The following STX8 variants were observed in gnomAD, a reference collection of about 807,000 sequenced individuals.
The protein encoded by STX8 is syntaxin-8.
Under a neutral mutation model 37.5 loss-of-function variants are expected in STX8, and 23 were observed. The ratio of observed to expected loss-of-function variants is 0.61; its 90% confidence interval spans 0.44 to 0.87. The LOEUF (loss-of-function observed/expected upper bound fraction) is 0.87, where lower values mean the gene tolerates loss of function less well. STX8 is among the 40% of genes least tolerant of loss of function. The probability of loss-of-function intolerance (pLI) is 0.00; values close to 1 mark genes in which losing one functional copy is unlikely to be tolerated. For synonymous variants in STX8, 115 were observed against 99.1 expected (o/e 1.16, Z -0.95); for missense variants, 313 against 284.7 (o/e 1.10, Z -0.71).
At chr17:9,384,454 T>A (rs1911920155) in intron 6 of STX8, among the ~76,000 whole-genome samples, 1 of 152,054 alleles carries the variant, frequency 6.6e-6, no homozygotes. Flanking sequence ...CTGGCTAACA[T>A]GGTGAAACCC....
Position 9,250,523 on chromosome 17 carries a change from T to G in STX8, c.*55A>C. ...GCAGGTTTTGCGTACCAAAAGGGTG[T>G]TGGGCTTGCATCTGTCATTGGCAGG... is the stretch of plus-strand genomic sequence containing the variant. On this transcript the variant is annotated 3_prime_UTR_variant, in exon 8 of 8. Coordinates refer to ENST00000306357, the MANE Select transcript of STX8 (RefSeq NM_004853.3). The G allele has an allele frequency of 6.7e-7, 1 of 1,491,538 alleles. No individual in the cohort carries two copies. The highest frequency in any genetic ancestry group is 9.2e-7 in the Non-Finnish European group (1 of 1,089,322). 92.4% of individuals were successfully genotyped at this position (1,491,538 alleles called of 1,614,324 possible).
chr17:9,506,416 C>A lies in STX8; in HGVS notation c.324-1254G>T, dbSNP rs967196240. ...GCTGGTGCTCACCCGCTCCCCCCCC[C>A]CCCCACCCACCTTTCTTAGGAAAGG... On this transcript the variant is annotated intron_variant, in intron 4 of 7. Transcript: ENST00000306357. Among the ~76,000 whole-genome samples, 5 of 97,678 alleles carry A rather than the reference C, an allele frequency of 5.1e-5. 1 individual carries two copies. Among genetic ancestry groups the A allele is most frequent in the African/African-American group, 7.5e-5 (2 of 26,774 alleles). The allele number at this position is 97,678 out of a possible 152,430, so 64.1% of individuals were successfully genotyped here.
At chr17:9,535,845 A>G (rs1906027177) in intron 4 of STX8, among the ~76,000 whole-genome samples, 4 of 152,226 alleles carry the variant, frequency 2.6e-5, no homozygotes. Flanking sequence ...GCATATATAT[A>G]AGAGCCTAGT....
chr17:9,304,603 T>C (rs752968087), intron 7 of STX8, among the ~76,000 whole-genome samples: 1 of 151,746 alleles, frequency 6.6e-6, no homozygotes, highest in Non-Finnish European at 1.5e-5. Context: ...ATTACCAATG[T>C]TCTACGATTT....
At chr17:9,343,306 C>G (rs1910435322) in intron 7 of STX8, among the ~76,000 whole-genome samples, 1 of 152,108 alleles carries the variant, frequency 6.6e-6, no homozygotes, top group Admixed American at 6.5e-5. Context: ...TACCCAGAGA[C>G]AGTAAAATCA....
intron 5 of STX8, among the ~76,000 whole-genome samples, chr17:9,500,798 T>C (rs6503219): frequency 0.72 from 108,653 of 151,950 alleles, 39,107 homozygotes; most frequent in Middle Eastern, 0.85. Flanking sequence ...GTCAGGAGAT[T>C]GAGACCATCC....
intron 7 of STX8, among the ~76,000 whole-genome samples, chr17:9,327,082 G>C (rs1356331916): frequency 6.6e-6 from 1 of 151,704 alleles, no homozygotes; most frequent in Non-Finnish European, 1.5e-5. Flanking sequence ...GCTTGAACCT[G>C]GGAGGCGGAG....
At chr17:9,360,447 G>A (rs773679692) in intron 7 of STX8, among the ~76,000 whole-genome samples, 36 of 151,542 alleles carry the variant, frequency 2.4e-4, no homozygotes, top group Non-Finnish European at 4.1e-4. Context: ...TGTTGGCCAG[G>A]CTGGTCTCGA....
intron 6 of STX8, among the ~76,000 whole-genome samples, chr17:9,407,355 G>A (rs1000411566): frequency 1.3e-5 from 2 of 152,138 alleles, no homozygotes; most frequent in African/African-American, 2.4e-5. Context: ...CAAAGAATAG[G>A]AGGGAGATAG....
rs148589113 is a variant in STX8 at position 9,473,542 on chromosome 17, G to A, written c.541+18287C>T. On this transcript the variant is annotated intron_variant, in intron 6 of 7. Transcript: ENST00000306357. ...CCCGTATAACTTTAAGTCATCTCTA[G>A]ATTACTCATAATCCCTAATACAATG... 1.8e-3 allele frequency among the ~76,000 whole-genome samples: 281 copies of A among 152,168 alleles called. 1 individual carries two copies. The highest frequency in any genetic ancestry group is 6.5e-3 in the African/African-American group (268 of 41,500).
chr17:9,382,842 GAGAAAGC>G (rs1046836301), intron 6 of STX8, among the ~76,000 whole-genome samples: 30 of 152,188 alleles, frequency 2.0e-4, no homozygotes, highest in Admixed American at 8.5e-4. Context: ...GAAACCACAA[GAGAAAGC>G]AGAAAGCAGA....
intron 3 of STX8, among the ~76,000 whole-genome samples, chr17:9,548,060 T>C (rs1906617580): frequency 6.6e-6 from 1 of 151,886 alleles, no homozygotes; most frequent in South Asian, 2.1e-4. Context: ...GTGCTGGGAT[T>C]ACAAGCATGA....
intron 6 of STX8, among the ~76,000 whole-genome samples, chr17:9,408,364 C>T (rs144588126): frequency 8.3e-4 from 126 of 152,156 alleles, no homozygotes; most frequent in African/African-American, 2.8e-3. Flanking sequence ...ATTAGTTATC[C>T]CCAGGAAAGG....
intron 4 of STX8, among the ~76,000 whole-genome samples, chr17:9,521,427 T>G (rs746268451): frequency 1.3e-5 from 2 of 152,242 alleles, no homozygotes; most frequent in Non-Finnish European, 2.9e-5. Context: ...ATTTTTTCAT[T>G]ACCTTTCAAT....
At chr17:9,343,233 C>G (rs984005654) in intron 7 of STX8, among the ~76,000 whole-genome samples, 1 of 152,000 alleles carries the variant, frequency 6.6e-6, no homozygotes, top group Non-Finnish European at 1.5e-5. Flanking sequence ...CACTGTTGCC[C>G]CGGGTACTCT....
chr17:9,538,571 G>C (rs1906152200), intron 4 of STX8, among the ~76,000 whole-genome samples: 1 of 152,160 alleles, frequency 6.6e-6, no homozygotes, highest in African/African-American at 2.4e-5. Flanking sequence ...TTTGTCAGTA[G>C]TGCAAGAGAA....
At chr17:9,564,778 C>T (rs1242933831) in intron 2 of STX8, among the ~76,000 whole-genome samples, 1 of 152,206 alleles carries the variant, frequency 6.6e-6, no homozygotes, top group East Asian at 1.9e-4. Context: ...GGCCATACTG[C>T]CCAAAGCAAT....
chr17:9,547,773 T>C (rs1906600676), intron 3 of STX8, among the ~76,000 whole-genome samples: 1 of 125,024 alleles, frequency 8.0e-6, no homozygotes, highest in African/African-American at 3.5e-5. Context: ...TTTCCTTTTC[T>C]TTTCTTTTCT....
chr17:9,568,483 C>T lies in STX8; in HGVS notation c.18-13G>A, dbSNP rs148921956. On this transcript the variant is annotated splice_polypyrimidine_tract_variant and intron_variant, in intron 1 of 7. Transcript: ENST00000306357. ...GTATGTGGAGAACCTGCACCAAAGT[C>T]GTAAAAAGAGAAAATGTTTAAGGTT... 789 of 1,603,456 alleles carry T rather than the reference C, an allele frequency of 4.9e-4. 3 individuals are homozygous for T. In the African/African-American group the frequency reaches 9.4e-3, roughly 19 times the overall value.
Sources: allele counts gnomAD v4.1 joint callset (sites outside exome capture counted in the v4.1 genomes callset), GRCh38; gene constraint gnomAD v4.1.1; transcripts MANE v1.5; gene names NCBI Gene and HGNC (gene_info 2026-07-23, HGNC 2026-07-21).